The following EIF2B3 variants were observed in gnomAD, a reference collection of about 807,000 sequenced individuals.
EIF2B3 encodes the protein eukaryotic translation initiation factor 2B subunit gamma.
In EIF2B3, 20 loss-of-function variants were observed where a neutral mutation model predicts 54.1. That is an observed-to-expected ratio of 0.37 (90% confidence interval 0.26 to 0.54). The LOEUF is 0.54. Ranked by LOEUF, EIF2B3 falls within the 20% of genes least tolerant of loss-of-function variation. EIF2B3 has a pLI of 0.86. For missense variants in EIF2B3, 448 were observed against 547.8 expected (o/e 0.82, Z 1.82); for synonymous variants, 153 against 188.1 (o/e 0.81, Z 1.52).
intron 11 of EIF2B3, among the ~76,000 whole-genome samples, chr1:44,854,954 G>A (rs1654391669): frequency 6.6e-6 from 1 of 152,052 alleles, no homozygotes; most frequent in Non-Finnish European, 1.5e-5. Flanking sequence ...AAGACTGACG[G>A]AAGACTTTGC....
At chr1:44,974,194 C>T (rs1330766245) in intron 3 of EIF2B3, among the ~76,000 whole-genome samples, 1 of 150,526 alleles carries the variant, frequency 6.6e-6, no homozygotes, top group Admixed American at 6.6e-5. Flanking sequence ...TTTTAAAGAG[C>T]TGGGCATAGT....
intron 3 of EIF2B3, among the ~76,000 whole-genome samples, chr1:44,950,719 T>G (rs1045550520): frequency 6.6e-6 from 1 of 152,208 alleles, no homozygotes; most frequent in Non-Finnish European, 1.5e-5. Flanking sequence ...ACAAGAGTCT[T>G]GCTCTATCGC....
intron 8 of EIF2B3, among the ~76,000 whole-genome samples, chr1:44,876,629 T>A (rs1486985642): frequency 3.4e-5 from 3 of 88,806 alleles, no homozygotes; most frequent in African/African-American, 5.3e-5. Context: ...GGGGCGCTTC[T>A]GCCTGGCCGC....
chr1:44,855,560 CTT>C (rs879797686), intron 11 of EIF2B3, among the ~76,000 whole-genome samples: 13 of 144,274 alleles, frequency 9.0e-5, no homozygotes, highest in Admixed American at 2.8e-4. Flanking sequence ...CCTTGAGGAT[CTT>C]TTTTTTTTTT....
intron 1 of EIF2B3, among the ~76,000 whole-genome samples, chr1:44,985,718 A>G (rs551834221): frequency 6.6e-6 from 1 of 152,314 alleles, no homozygotes; most frequent in African/African-American, 2.4e-5. Context: ...GAACATAACT[A>G]ATCATGCTAC....
chr1:44,962,356 A>G (rs1272889288), intron 3 of EIF2B3, among the ~76,000 whole-genome samples: 1 of 152,154 alleles, frequency 6.6e-6, no homozygotes, highest in African/African-American at 2.4e-5. Flanking sequence ...CCAATGCTAT[A>G]ATCAGTTCTT....
chr1:44,981,867 G>A (rs10157761), intron 1 of EIF2B3, among the ~76,000 whole-genome samples: 22,915 of 148,956 alleles, frequency 0.15, 1,855 homozygotes, highest in Non-Finnish European at 0.17. Context: ...AGCCTGGGAG[G>A]CAGGTGTTGC....
intron 10 of EIF2B3, among the ~76,000 whole-genome samples, chr1:44,858,112 C>T (rs1013576559): frequency 6.7e-6 from 1 of 149,014 alleles, no homozygotes; most frequent in Admixed American, 6.8e-5. Flanking sequence ...CACTGTGGCC[C>T]TGGGGCTGGA....
At chr1:44,901,838 G>T (rs553487692) in intron 5 of EIF2B3, among the ~76,000 whole-genome samples, 1 of 152,128 alleles carries the variant, frequency 6.6e-6, no homozygotes, top group Non-Finnish European at 1.5e-5. Context: ...GGGATTACCT[G>T]CAAGAGCCAC....
At chr1:44,862,830 C>T (rs1358700921) in intron 10 of EIF2B3, among the ~76,000 whole-genome samples, 6 of 152,088 alleles carry the variant, frequency 3.9e-5, no homozygotes, top group African/African-American at 9.7e-5. Context: ...AATGCCTGAC[C>T]TCATGATCTA....
intron 10 of EIF2B3, among the ~76,000 whole-genome samples, chr1:44,862,327 C>A (rs1654634428): frequency 6.6e-6 from 1 of 152,128 alleles, no homozygotes; most frequent in African/African-American, 2.4e-5. Flanking sequence ...ATTTCAAGCA[C>A]AGAGGCAGGC....
intron 5 of EIF2B3, among the ~76,000 whole-genome samples, chr1:44,912,423 G>GAAAAAA (rs1382634324): frequency 7.9e-5 from 12 of 151,798 alleles, no homozygotes; most frequent in Admixed American, 7.9e-4. Context: ...TCCTATATTT[G>GAAAAAA]AATAATCATT....
At chr1:44,852,440 T>A (rs1048240771) in intron 11 of EIF2B3, among the ~76,000 whole-genome samples, 2 of 152,054 alleles carry the variant, frequency 1.3e-5, no homozygotes, top group Non-Finnish European at 2.9e-5. Context: ...CTAATATATA[T>A]CTCTATTCCT....
At chr1:44,903,492 C>T (rs1275638331) in intron 5 of EIF2B3, among the ~76,000 whole-genome samples, 1 of 152,150 alleles carries the variant, frequency 6.6e-6, no homozygotes, top group Non-Finnish European at 1.5e-5. Context: ...TGCTCACTGC[C>T]TAAGTACAGC....
chr1:44,907,509 G>C (rs1183904975), intron 5 of EIF2B3, among the ~76,000 whole-genome samples: 1 of 152,180 alleles, frequency 6.6e-6, no homozygotes, highest in East Asian at 1.9e-4. Flanking sequence ...AGTGAGCCAA[G>C]ATCGTGCCAT....
intron 10 of EIF2B3, among the ~76,000 whole-genome samples, chr1:44,871,242 A>G (rs1557663401): frequency 6.6e-6 from 1 of 152,016 alleles, no homozygotes; most frequent in Non-Finnish European, 1.5e-5. Flanking sequence ...ATAGTTTTTA[A>G]TCACCTTATT....
chr1:44,985,874 G>C (rs1644568665), intron 1 of EIF2B3, among the ~76,000 whole-genome samples: 1 of 152,180 alleles, frequency 6.6e-6, no homozygotes, highest in South Asian at 2.1e-4. Flanking sequence ...GCCTTTTCCA[G>C]TTGTAAATAG....
At chr1:44,894,648 T>C (rs1193424641) in intron 6 of EIF2B3, among the ~76,000 whole-genome samples, 2 of 151,982 alleles carry the variant, frequency 1.3e-5, no homozygotes, top group African/African-American at 4.8e-5. Context: ...CTCTCAGAGG[T>C]AAAATATAAC....
At chr1:44,866,531 T>C (rs2148897210) in intron 10 of EIF2B3, among the ~76,000 whole-genome samples, 1 of 151,122 alleles carries the variant, frequency 6.6e-6, no homozygotes, top group African/African-American at 2.4e-5. Context: ...AGCACAGAGG[T>C]GGGGAAAATA....
Sources: gnomAD v4.1 joint callset for allele counts (sites outside exome capture counted in the v4.1 genomes callset) on GRCh38, gnomAD v4.1.1 for gene constraint, MANE v1.5 for transcripts, NCBI Gene and HGNC (gene_info 2026-07-23, HGNC 2026-07-21) for gene names.